SLC4A4: variants seen among roughly 807,000 people sequenced by gnomAD.
The protein encoded by SLC4A4 is electrogenic sodium bicarbonate cotransporter 1.
Under a neutral mutation model 111.5 loss-of-function variants are expected in SLC4A4, and 27 were observed. The observed-to-expected ratio is 0.24, with a 90% CI of 0.18 to 0.33. The LOEUF (loss-of-function observed/expected upper bound fraction) is 0.33. SLC4A4 is among the 10% of genes least tolerant of loss of function. The pLI is 1.00. For missense variants in SLC4A4, 909 were observed against 1,315.5 expected (o/e 0.69, Z 4.78); for synonymous variants, 443 against 463.4 (o/e 0.96, Z 0.57).
At chr4:71,327,814 A>G (rs1161130634) in intron 3 of SLC4A4, among the ~76,000 whole-genome samples, 1 of 151,876 alleles carries the variant, frequency 6.6e-6, no homozygotes, top group African/African-American at 2.4e-5. Flanking sequence ...TCAAGCATTT[A>G]TTATTTTTTT....
At chr4:71,473,763 AT>A (rs1728097787) in intron 14 of SLC4A4, among the ~76,000 whole-genome samples, 1 of 151,962 alleles carries the variant, frequency 6.6e-6, no homozygotes, top group Non-Finnish European at 1.5e-5. Flanking sequence ...GAGTAATTCC[AT>A]TATAAAATTC....
At chr4:71,156,367 C>G (rs566242891) in intron 2 of SLC4A4, among the ~76,000 whole-genome samples, 42 of 152,234 alleles carry the variant, frequency 2.8e-4, no homozygotes, top group African/African-American at 9.6e-4. Flanking sequence ...ACTCTGTGCA[C>G]AGTTATGTGC....
intron 6 of SLC4A4, among the ~76,000 whole-genome samples, chr4:71,383,805 C>A (rs1718398145): frequency 6.6e-6 from 1 of 151,980 alleles, no homozygotes; most frequent in African/African-American, 2.4e-5. Context: ...AACATATTGG[C>A]ATAATTCTTT....
At chr4:71,428,602 C>T (rs554354372) in intron 7 of SLC4A4, among the ~76,000 whole-genome samples, 4 of 151,712 alleles carry the variant, frequency 2.6e-5, no homozygotes, top group East Asian at 1.9e-4. Flanking sequence ...TGAAAATACC[C>T]GAAGACAATG....
intron 16 of SLC4A4, among the ~76,000 whole-genome samples, chr4:71,506,963 T>C (rs1433787268): frequency 6.6e-6 from 1 of 151,888 alleles, no homozygotes; most frequent in East Asian, 1.9e-4. Flanking sequence ...GAAAAGAAAA[T>C]TGAACCTAGA....
chr4:71,397,727 G>A, intron 7 of SLC4A4, 74 bp downstream of exon 7: 1 of 1,323,430 alleles, frequency 7.6e-7, no homozygotes, highest in South Asian at 1.2e-5. Context: ...AGGATTAGAG[G>A]TGATGGTTGC....
intron 1 of SLC4A4, among the ~76,000 whole-genome samples, chr4:71,226,020 G>A (rs918816038): frequency 5.3e-5 from 8 of 152,226 alleles, no homozygotes; most frequent in Non-Finnish European, 1.0e-4. Flanking sequence ...GCAGGTAGCT[G>A]CCATCCAGCT....
At chr4:71,546,625 C>A in intron 19 of SLC4A4, 97 bp downstream of exon 19, 1 of 1,004,436 alleles carries the variant, frequency 1.0e-6, no homozygotes, top group Non-Finnish European at 1.5e-6. Context: ...GGAGACAGGG[C>A]TTGTGATGAT....
At chr4:71,313,251 A>G (rs1024585687) in intron 3 of SLC4A4, among the ~76,000 whole-genome samples, 20 of 152,350 alleles carry the variant, frequency 1.3e-4, no homozygotes, top group African/African-American at 4.8e-4. Flanking sequence ...GAGGAGAACT[A>G]CAAACCACTG....
intron 2 of SLC4A4, among the ~76,000 whole-genome samples, chr4:71,244,088 T>A (rs1046069639): frequency 6.6e-6 from 1 of 152,224 alleles, no homozygotes; most frequent in Admixed American, 6.5e-5. Flanking sequence ...ACAGGAAATT[T>A]GATTCCTACT....
At chr4:71,416,231 C>T (rs746646691) in intron 7 of SLC4A4, among the ~76,000 whole-genome samples, 1 of 152,142 alleles carries the variant, frequency 6.6e-6, no homozygotes, top group Non-Finnish European at 1.5e-5. Context: ...AGCAGTTTCC[C>T]ATCACCTGAG....
At chr4:71,457,934 A>G (rs988902804) in intron 12 of SLC4A4, among the ~76,000 whole-genome samples, 1 of 152,138 alleles carries the variant, frequency 6.6e-6, no homozygotes, top group African/African-American at 2.4e-5. Context: ...TGCCTAATAC[A>G]ATGCAAATAC....
chr4:71,503,474 T>C (rs1428583372), intron 16 of SLC4A4, among the ~76,000 whole-genome samples: 1 of 152,132 alleles, frequency 6.6e-6, no homozygotes, highest in African/African-American at 2.4e-5. Flanking sequence ...CTGTAATTTC[T>C]ATCTTTGTGG....
At chr4:71,341,110 C>A (rs1728871189) in intron 4 of SLC4A4, among the ~76,000 whole-genome samples, 1 of 152,096 alleles carries the variant, frequency 6.6e-6, no homozygotes, top group East Asian at 1.9e-4. Context: ...TTAAGATAAA[C>A]CTCTTATAGT....
chr4:71,473,098 C>A, intron 14 of SLC4A4, 128 bp downstream of exon 14: 2 of 1,068,728 alleles, frequency 1.9e-6, no homozygotes, highest in Non-Finnish European at 2.9e-6. Flanking sequence ...CTCTGAAAAA[C>A]TCTGCTACTG....
At chr4:71,535,187 C>T (rs946954064) in intron 18 of SLC4A4, among the ~76,000 whole-genome samples, 1 of 152,006 alleles carries the variant, frequency 6.6e-6, no homozygotes, top group African/African-American at 2.4e-5. Context: ...TTCATAACCA[C>T]CATATGAGGG....
chr4:71,329,590 A>G (rs911564104), intron 3 of SLC4A4, among the ~76,000 whole-genome samples: 1 of 151,902 alleles, frequency 6.6e-6, no homozygotes, highest in Non-Finnish European at 1.5e-5. Context: ...TTATAAATGG[A>G]ATTACTTTCT....
chr4:71,282,164 C>A (rs189498090), intron 3 of SLC4A4, among the ~76,000 whole-genome samples: 1 of 152,102 alleles, frequency 6.6e-6, no homozygotes, highest in Admixed American at 6.5e-5. Context: ...GAAAAAGTAG[C>A]CATGGCTTTG....
intron 16 of SLC4A4, among the ~76,000 whole-genome samples, chr4:71,514,955 T>G (rs1282292216): frequency 2.0e-5 from 3 of 152,080 alleles, no homozygotes; most frequent in African/African-American, 7.2e-5. Context: ...TTTCATTGAT[T>G]CTTTGTATTT....
Sources: allele counts gnomAD v4.1 joint callset (sites outside exome capture counted in the v4.1 genomes callset), GRCh38; gene constraint gnomAD v4.1.1; transcripts MANE v1.5; gene names NCBI Gene and HGNC (gene_info 2026-07-23, HGNC 2026-07-21).